Variants in GNL3L observed in about 807,000 individuals in gnomAD.
The protein encoded by GNL3L is G protein nucleolar 3 like, also known as guanine nucleotide-binding protein-like 3-like protein.
GNL3L carries 4 observed loss-of-function variants against 42.9 expected under a neutral mutation model. That is an observed-to-expected ratio of 0.09 (90% confidence interval 0.05 to 0.21). GNL3L has a LOEUF of 0.21. GNL3L is among the 10% of genes least tolerant of loss of function. GNL3L has a pLI of 1.00. For synonymous variants in GNL3L, 159 were observed against 176.3 expected (o/e 0.90, Z 0.78); for missense variants, 412 against 481.7 (o/e 0.86, Z 1.36).
chrX:54,557,170 A>C (rs781336054), intron 14 of GNL3L, among the ~76,000 whole-genome samples: 117 of 108,964 alleles, frequency 1.1e-3, no homozygotes, highest in African/African-American at 3.9e-3. Flanking sequence ...CAACAGAGCG[A>C]AACTCCATCT....
Position 54,551,670 on chromosome X carries a change from C to T in GNL3L, c.966C>T (p.Cys322=), listed in dbSNP as rs1924944300. 1.7e-6 allele frequency: 2 copies of T among 1,209,095 alleles called. No homozygotes were observed. Among genetic ancestry groups the T allele is most frequent in the Non-Finnish European group, 2.2e-6 (2 of 894,225 alleles). Residue 322 remains cysteine (C), a synonymous_variant, in exon 11 of 16, where the codon TGC becomes TGT. Coordinates refer to ENST00000360845, the MANE Select transcript of GNL3L (RefSeq NM_001184819.2). Reference sequence around the variant, plus strand: ...AGGTGGGCACCATCCTGCGTAACTGCGTCCACGTGCAGAAGCTGGCAGACC... The same window carrying T: ...AGGTGGGCACCATCCTGCGTAACTGTGTCCACGTGCAGAAGCTGGCAGACC... The part of the protein sequence containing the change: ...NSEVGTILRN[C]VHVQKLADPV...
chrX:54,627,015 AT>A, the GNL3L span, among the ~76,000 whole-genome samples: 349 of 105,001 alleles, frequency 3.3e-3, no homozygotes, highest in Non-Finnish European at 4.6e-3. Context: ...AAACTTTTCA[AT>A]TTTTTTTTTT....
chrX:54,537,623 A>G, intron 2 of GNL3L, among the ~76,000 whole-genome samples: 1 of 110,208 alleles, frequency 9.1e-6, no homozygotes. Context: ...CACTATTTCT[A>G]TTGAATTTTT....
chrX:54,633,043 A>G, the GNL3L span, among the ~76,000 whole-genome samples: 1 of 110,953 alleles, frequency 9.0e-6, no homozygotes, highest in East Asian at 2.8e-4. Flanking sequence ...TTCTTCTTCT[A>G]CTGGGCTCTG....
At position 54,561,297 on chromosome X, in the gene GNL3L, G is replaced by A. The variant is rs1925263215; in HGVS notation, c.*695G>A. On this transcript the variant is annotated 3_prime_UTR_variant, in exon 16 of 16. Transcript: ENST00000360845. ...TGCTGGTAGACCTGGGGGTCCCTGC[G>A]GGAGGGTGATGGTTTCTTTACCACC... Among the ~76,000 whole-genome samples, 1 of 111,720 alleles carries A rather than the reference G, an allele frequency of 9.0e-6. No individual in the cohort carries two copies. Among genetic ancestry groups the A allele is most frequent in the Non-Finnish European group, 1.9e-5 (1 of 53,161 alleles).
chrX:54,622,565 A>G (rs1695946614), downstream of GNL3L, among the ~76,000 whole-genome samples: 1 of 110,180 alleles, frequency 9.1e-6, no homozygotes, highest in Non-Finnish European at 1.9e-5. Flanking sequence ...GAGTACAGGC[A>G]TAAGCCACTG....
In GNL3L at chrX:54,564,836, C is replaced by T. The variant is rs1440601855; in HGVS notation, c.*4234C>T. 9.7e-6 allele frequency among the ~76,000 whole-genome samples: 1 copy of T among 102,943 alleles called. No homozygotes were observed. The highest frequency in any genetic ancestry group is 3.6e-5 in the African/African-American group (1 of 27,485). The allele number at this position is 102,943 out of a possible 115,157, so 89.4% of individuals were successfully genotyped here. A position where few individuals can be genotyped will look rare whatever the true frequency, so the allele number is the denominator to read the frequency against. ...GCAACCTCCACCTCCTGGGTTCAAGCGATTCTCCTGCCTTAGCCTCCCGAG... is the reference window on the plus strand; with the variant it reads ...GCAACCTCCACCTCCTGGGTTCAAGTGATTCTCCTGCCTTAGCCTCCCGAG... On this transcript the variant is annotated 3_prime_UTR_variant, in exon 16 of 16. Transcript: ENST00000360845.
At chrX:54,634,952 A>C in the GNL3L span, among the ~76,000 whole-genome samples, 3 of 107,252 alleles carry the variant, frequency 2.8e-5, no homozygotes, top group East Asian at 2.9e-4. Context: ...CCACCATGCC[A>C]AGCTAATTTT....
chrX:54,616,747 T>C (rs1926225719), intron 16 of GNL3L, among the ~76,000 whole-genome samples: 1 of 111,662 alleles, frequency 9.0e-6, no homozygotes, highest in Non-Finnish European at 1.9e-5. Context: ...CCAAGTCAAC[T>C]GGATAGTGTT....
Position 54,564,243 on chromosome X carries a change from A to C in GNL3L, c.*3641A>C, listed in dbSNP as rs1208709174. ...TTCACTCTGGTATACAGTTCTATAA[A>C]GCTCTGATAAATGTGTAGAGTTGTG... On this transcript the variant is annotated 3_prime_UTR_variant, in exon 16 of 16. Coordinates refer to ENST00000360845, the MANE Select transcript of GNL3L (RefSeq NM_001184819.2). Among the ~76,000 whole-genome samples the C allele has an allele frequency of 9.0e-6, 1 of 110,773 alleles. No individual in the cohort carries two copies. Among genetic ancestry groups the C allele is most frequent in the Non-Finnish European group, 1.9e-5 (1 of 53,021 alleles).
intron 16 of GNL3L, among the ~76,000 whole-genome samples, chrX:54,607,072 C>CTTCCT (rs1231481886): frequency 3.5e-4 from 8 of 22,831 alleles, no homozygotes; most frequent in Non-Finnish European, 6.1e-4. Flanking sequence ...TTCTTTCTTT[C>CTTCCT]TCTTTCTTTC....
At chrX:54,544,454 T>C (rs1924714871) in intron 8 of GNL3L, 128 bp downstream of exon 8, 1 of 421,822 alleles carries the variant, frequency 2.4e-6, no homozygotes, top group African/African-American at 2.6e-5. Flanking sequence ...TTTGAGCTTT[T>C]TGCTCCACCG....
rs182961926 is a variant in GNL3L at position 54,539,296 on chromosome X, G to A, written c.81+195G>A. Among the ~76,000 whole-genome samples, 306 of 111,463 alleles carry A rather than the reference G, an allele frequency of 2.7e-3. 2 individuals are homozygous for A. Among genetic ancestry groups the A allele is most frequent in the Admixed American group, 4.6e-3 (48 of 10,389 alleles). On this transcript the variant is annotated intron_variant, in intron 3 of 15. Coordinates refer to ENST00000360845, the MANE Select transcript of GNL3L (RefSeq NM_001184819.2). ...TTTTTCCCAAGTCATATGCAGCTTC[G>A]TGCTTGATTTACCTTGGTAGGGATT...
rs771415054 is a variant in GNL3L, at chrX:54,543,306, G to A, written c.490G>A (p.Gly164Ser). Residue 164 changes from glycine to serine, a missense_variant, in exon 7 of 16, where the codon GGC (glycine) becomes AGC (serine). Coordinates refer to ENST00000360845, the MANE Select transcript of GNL3L (RefSeq NM_001184819.2). The stretch of plus-strand genomic sequence containing the variant: ...GGAGGAGGCTGTCCTGCGAGCACAA[G>A]GCAACAAGAAGCTGGTCCTGGTCTT... Reference protein sequence around the residue: ...QMEEAVLRAQGNKKLVLVLNK... With the variant: ...QMEEAVLRAQSNKKLVLVLNK... 8.3e-7 allele frequency: 1 copy of A among 1,209,214 alleles called. No individual in the cohort carries two copies. Among genetic ancestry groups the A allele is most frequent in the Non-Finnish European group, 1.1e-6 (1 of 894,951 alleles).
At chrX:54,588,250 A>G (rs1356091950) in intron 16 of GNL3L, among the ~76,000 whole-genome samples, 1 of 111,958 alleles carries the variant, frequency 8.9e-6, no homozygotes, top group Non-Finnish European at 1.9e-5. Flanking sequence ...ACAATGTTGA[A>G]TAGAAGTGGT....
the GNL3L span, among the ~76,000 whole-genome samples, chrX:54,640,277 A>C: frequency 1.7e-4 from 19 of 111,337 alleles, no homozygotes; most frequent in African/African-American, 5.9e-4. Context: ...ACAACAAGCC[A>C]AAAACCCCAA....
chrX:54,561,011 G>A lies in GNL3L; in HGVS notation c.*409G>A, dbSNP rs1314177769. The A allele has an allele frequency of 9.5e-6, 1 of 105,184 alleles. No homozygotes were observed. The allele number at this position is 105,184 out of a possible 1,213,427, so 8.7% of individuals were successfully genotyped here. On this transcript the variant is annotated 3_prime_UTR_variant, in exon 16 of 16. Transcript: ENST00000360845. ...CGCCTGAACCTGGGAGGCAGAGGTT[G>A]CAGTGAGCCCAGACGGCACCATTGC...
intron 9 of GNL3L, among the ~76,000 whole-genome samples, chrX:54,550,442 AAG>A (rs754646266): frequency 5.4e-5 from 6 of 111,464 alleles, no homozygotes; most frequent in East Asian, 5.7e-4. Flanking sequence ...CACATACAGA[AAG>A]AGAACGGTGA....
chrX:54,628,887 G>T, the GNL3L span, among the ~76,000 whole-genome samples: 2 of 84,035 alleles, frequency 2.4e-5, no homozygotes, highest in Admixed American at 2.4e-4. Context: ...TTTCCTCTTC[G>T]TTTTTGTATT....
Sources: gnomAD v4.1 joint callset for allele counts (sites outside exome capture counted in the v4.1 genomes callset) on GRCh38, gnomAD v4.1.1 for gene constraint, MANE v1.5 for transcripts, NCBI Gene and HGNC (gene_info 2026-07-23, HGNC 2026-07-21) for gene names.